Variants in SLC6A12 observed in about 807,000 individuals in gnomAD.
SLC6A12 encodes sodium- and chloride-dependent betaine transporter.
SLC6A12 carries 50 observed loss-of-function variants against 73.3 expected under a neutral mutation model. That is an observed-to-expected ratio of 0.68 (90% CI 0.54 to 0.86). The LOEUF (loss-of-function observed/expected upper bound fraction) is 0.86, where lower values mean the gene tolerates loss of function less well. SLC6A12 is among the 40% of genes least tolerant of loss of function. The pLI is 0.00. For synonymous variants in SLC6A12, 304 were observed against 309.2 expected (o/e 0.98, Z 0.18); for missense variants, 648 against 772.8 (o/e 0.84, Z 1.92).
At chr12:186,144 G>C (rs892663936), downstream of SLC6A12, among the ~76,000 whole-genome samples, 1 of 152,120 alleles carries the variant, frequency 6.6e-6, no homozygotes, top group Non-Finnish European at 1.5e-5. Context: ...GGGCACGAGG[G>C]GGCTGAGGGA....
chr12:194,475 G>A (rs1199222433), intron 13 of SLC6A12, among the ~76,000 whole-genome samples: 1 of 152,220 alleles, frequency 6.6e-6, no homozygotes, highest in African/African-American at 2.4e-5. Context: ...AGGGACCTGG[G>A]GTATGAGGAC....
At chr12:197,789 A>G in intron 9 of SLC6A12, 111 bp downstream of exon 9, 1 of 759,722 alleles carries the variant, frequency 1.3e-6, no homozygotes, top group Non-Finnish European at 2.2e-6. Context: ...AGTCTGATAC[A>G]ACGTATAATG....
Position 200,634 on chromosome 12 carries a change from G to T in SLC6A12, c.711+17C>A. 2.5e-6 allele frequency: 4 copies of T among 1,612,828 alleles called. No individual in the cohort carries two copies. Among genetic ancestry groups the T allele is most frequent in the Non-Finnish European group, 3.4e-6 (4 of 1,179,336 alleles). On this transcript the variant is annotated intron_variant, in intron 7 of 15. Transcript: ENST00000684302. Reference sequence around the variant, plus strand: ...CTGGGGGCCAAAGGGAGCTTCCCAGGAGGCAGGACATCTCACCTTGCCTGT... The same window carrying T: ...CTGGGGGCCAAAGGGAGCTTCCCAGTAGGCAGGACATCTCACCTTGCCTGT...
At chr12:194,564 A>G (rs1427549107) in intron 13 of SLC6A12, among the ~76,000 whole-genome samples, 1 of 152,196 alleles carries the variant, frequency 6.6e-6, no homozygotes, top group Non-Finnish European at 1.5e-5. Context: ...ACAGATTGTA[A>G]GTGTGTGAGA....
At chr12:185,855 A>G (rs933619936), downstream of SLC6A12, among the ~76,000 whole-genome samples, 1 of 151,834 alleles carries the variant, frequency 6.6e-6, no homozygotes, top group African/African-American at 2.4e-5. Flanking sequence ...CTCTCATCTC[A>G]CCCCATCCTG....
At chr12:200,240 C>T (rs1479352502) in intron 7 of SLC6A12, among the ~76,000 whole-genome samples, 1 of 150,498 alleles carries the variant, frequency 6.6e-6, no homozygotes, top group African/African-American at 2.5e-5. Context: ...TCCTGCATAG[C>T]TGGGACTACA....
intron 13 of SLC6A12, 29 bp downstream of exon 13, chr12:195,196 G>A: frequency 7.1e-7 from 1 of 1,404,112 alleles, no homozygotes; most frequent in Middle Eastern, 1.8e-4. Flanking sequence ...CTCCCACCCT[G>A]CTTTCCCACC....
At chr12:204,383 G>A (rs1233943936) in intron 4 of SLC6A12, among the ~76,000 whole-genome samples, 181 bp downstream of exon 4, 2 of 152,232 alleles carry the variant, frequency 1.3e-5, no homozygotes, top group Non-Finnish European at 2.9e-5. Context: ...GCTTGCTCGG[G>A]AGCCAGTGTT....
downstream of SLC6A12, among the ~76,000 whole-genome samples, chr12:186,326 G>C (rs140862220): frequency 0.017 from 2,532 of 152,336 alleles, 45 homozygotes; most frequent in Middle Eastern, 0.092. Flanking sequence ...TCCACCGGCA[G>C]CCACAGCAGC....
At chr12:200,871 G>A (rs1382728026) in intron 6 of SLC6A12, 88 bp from the exon 7 acceptor site, 1 of 1,393,048 alleles carries the variant, frequency 7.2e-7, no homozygotes, top group East Asian at 2.4e-5. Context: ...TCTCAGAGCT[G>A]ACCCCACGGA....
rs1179559744 is a variant in SLC6A12 at position 196,388 on chromosome 12, G to A, written c.1189-127C>T. ...GGTGCAGGGAGCAGCACAAAGGGAA[G>A]AAATGGGGGTGCCCTGGGGTGAGCC... On this transcript the variant is annotated intron_variant, in intron 11 of 15. Transcript: ENST00000684302. 1.8e-5 allele frequency: 22 copies of A among 1,206,392 alleles called. No homozygotes were observed. The East Asian group carries it at 5.3e-4, about 29-fold the overall frequency. The allele number at this position is 1,206,392 out of a possible 1,614,324, so 74.7% of individuals were successfully genotyped here.
intron 5 of SLC6A12, 35 bp from the exon 6 acceptor site, chr12:201,884 A>T (rs762852475): frequency 6.4e-7 from 1 of 1,571,092 alleles, no homozygotes; most frequent in Non-Finnish European, 8.8e-7. Flanking sequence ...AGATGGAGAG[A>T]GATGCTCTTA....
intron 10 of SLC6A12, among the ~76,000 whole-genome samples, chr12:197,146 C>T (rs4994257): frequency 0.089 from 7,235 of 81,646 alleles, 12 homozygotes; most frequent in South Asian, 0.15. Flanking sequence ...TCCATCCATC[C>T]ATCCATCCAT....
chr12:209,946 G>T lies in SLC6A12; in HGVS notation c.41C>A (p.Ala14Glu), dbSNP rs770517528. The change falls in exon 3 of 16, where the codon GCA (alanine) becomes GAA (glutamate). Residue 14 changes from alanine to glutamate, a missense_variant. By Grantham distance (107) the Ala-to-Glu change is moderately radical. Transcript: ENST00000684302. Reference sequence around the variant, plus strand: ...TCCCTCCTCGGGGACCCAGGAGACTGCAGGAGGCCCACACTCTTGCACTGC... The same window carrying T: ...TCCCTCCTCGGGGACCCAGGAGACTTCAGGAGGCCCACACTCTTGCACTGC... ...KVAVQECGPPAVSWVPEEGEK... is the reference protein window; with the variant it reads ...KVAVQECGPPEVSWVPEEGEK... The T allele has an allele frequency of 1.8e-5, 29 of 1,614,036 alleles. No homozygotes were observed. The highest frequency in any genetic ancestry group is 1.9e-5 in the Non-Finnish European group (22 of 1,180,024).
intron 3 of SLC6A12, 190 bp downstream of exon 3, chr12:209,583 G>T (rs1027121746): frequency 4.8e-6 from 3 of 628,664 alleles, no homozygotes. Flanking sequence ...ACCCTGGGAG[G>T]TATTGTCCCC....
Position 190,584 on chromosome 12 carries a change from T to C in SLC6A12, c.*484A>G. ...CTCTGTCGTTAAGCCTAAGGAAGGA[T>C]CCCCTAACGGAACCTCCGATCCAAC... On this transcript the variant is annotated 3_prime_UTR_variant, in exon 16 of 16. Coordinates refer to ENST00000684302, the MANE Select transcript of SLC6A12 (RefSeq NM_001122848.3). 6.6e-6 allele frequency: 1 copy of C among 152,124 alleles called. No individual in the cohort carries two copies. The highest frequency in any genetic ancestry group is 1.9e-4 in the East Asian group (1 of 5,190). The allele number at this position is 152,124 out of a possible 1,614,324, so 9.4% of individuals were successfully genotyped here.
At chr12:187,610 A>ACCCAC (rs1939457210), downstream of SLC6A12, among the ~76,000 whole-genome samples, 1 of 15,824 alleles carries the variant, frequency 6.3e-5, no homozygotes, top group Non-Finnish European at 5.9e-4. Flanking sequence ...AAAAAAAAAA[A>ACCCAC]AAAAAAAAAA....
At chr12:208,703 A>G (rs1940772052) in intron 3 of SLC6A12, among the ~76,000 whole-genome samples, 1 of 152,172 alleles carries the variant, frequency 6.6e-6, no homozygotes, top group Non-Finnish European at 1.5e-5. Context: ...GGGAGAGGGA[A>G]TGAGGAGCGA....
chr12:190,470 T>C lies in SLC6A12; in HGVS notation c.*598A>G, dbSNP rs928423908. The C allele has an allele frequency of 3.3e-5, 5 of 152,206 alleles. No individual in the cohort carries two copies. Among genetic ancestry groups the C allele is most frequent in the African/African-American group, 1.2e-4 (5 of 41,424 alleles). The allele number at this position is 152,206 out of a possible 1,614,324, so 9.4% of individuals were successfully genotyped here. ...AATGCTCCAGGAGTTGATGAAACAC[T>C]GCAAGAACAGTGCGGAACTAGGGCA... On this transcript the variant is annotated 3_prime_UTR_variant, in exon 16 of 16. Transcript: ENST00000684302.
Sources: allele counts gnomAD v4.1 joint callset (sites outside exome capture counted in the v4.1 genomes callset), GRCh38; gene constraint gnomAD v4.1.1; transcripts MANE v1.5; gene names NCBI Gene and HGNC (gene_info 2026-07-23, HGNC 2026-07-21).